DCUN1D4: variants seen among roughly 807,000 people sequenced by gnomAD.
DCUN1D4 encodes the protein DCN1-like protein 4.
Under a neutral mutation model 47.9 loss-of-function variants are expected in DCUN1D4, and 22 were observed. The ratio of observed to expected loss-of-function variants is 0.46; its 90% CI spans 0.33 to 0.66. DCUN1D4 has a LOEUF of 0.66. Among genes scored for constraint, DCUN1D4 ranks in the 30% least tolerant of loss-of-function variants. The pLI is 0.02. For missense variants in DCUN1D4, 301 were observed against 340.8 expected (o/e 0.88, Z 0.92); for synonymous variants, 121 against 112.2 (o/e 1.08, Z -0.50).
chr4:51,836,373 AT>A, the DCUN1D4 span, among the ~76,000 whole-genome samples: 1 of 152,210 alleles, frequency 6.6e-6, no homozygotes, highest in South Asian at 2.1e-4. Flanking sequence ...TTAGTTGGAA[AT>A]AAATATTTTT....
rs192233719 is a variant in DCUN1D4 at position 51,885,901 on chromosome 4, G to C, written c.344-667G>C. ...ATTTTCAGATATCACACAATGGTCA[G>C]ATAAAACAAAGACTGAATTTGTCTG... On this transcript the variant is annotated intron_variant, in intron 5 of 10. Coordinates refer to ENST00000334635, the MANE Select transcript of DCUN1D4 (RefSeq NM_001040402.3). Among the ~76,000 whole-genome samples the C allele has an allele frequency of 1.1e-4, 17 of 152,310 alleles. No individual in the cohort carries two copies. In the East Asian group the frequency reaches 2.1e-3, roughly 19 times the overall value.
At chr4:51,837,875 T>C in the DCUN1D4 span, among the ~76,000 whole-genome samples, 1 of 152,078 alleles carries the variant, frequency 6.6e-6, no homozygotes, top group African/African-American at 2.4e-5. Flanking sequence ...CAGGATTTTC[T>C]AGAAAATTTA....
At chr4:51,853,977 C>T (rs1348424535) in intron 1 of DCUN1D4, among the ~76,000 whole-genome samples, 1 of 152,180 alleles carries the variant, frequency 6.6e-6, no homozygotes, top group Non-Finnish European at 1.5e-5. Context: ...ACACGATATC[C>T]TTATGAGGCA....
intron 3 of DCUN1D4, among the ~76,000 whole-genome samples, chr4:51,863,959 GTT>G (rs1560467596): frequency 6.6e-6 from 1 of 152,030 alleles, no homozygotes; most frequent in African/African-American, 2.4e-5. Flanking sequence ...AAGATACCTT[GTT>G]TTCTCTACTG....
At position 51,902,113 on chromosome 4, in the gene DCUN1D4, A is replaced by G. The variant is rs114921749; in HGVS notation, c.615+2735A>G. Among the ~76,000 whole-genome samples, 206 of 152,222 alleles carry G rather than the reference A, an allele frequency of 1.4e-3. 1 individual carries two copies. The highest frequency in any genetic ancestry group is 4.6e-3 in the African/African-American group (192 of 41,538). ...TTAGGATTGTCCAGATAATCTTTCTATTATTGATAGTTTAATTCTGTTGTG... is the reference window on the plus strand; with the variant it reads ...TTAGGATTGTCCAGATAATCTTTCTGTTATTGATAGTTTAATTCTGTTGTG... On this transcript the variant is annotated intron_variant, in intron 8 of 10. Transcript: ENST00000334635.
At chr4:51,849,947 T>C (rs1226338637) in intron 1 of DCUN1D4, among the ~76,000 whole-genome samples, 1 of 152,136 alleles carries the variant, frequency 6.6e-6, no homozygotes, top group Admixed American at 6.5e-5. Context: ...ATTATTTAGG[T>C]ATAATTTCAC....
the DCUN1D4 span, among the ~76,000 whole-genome samples, chr4:51,836,069 G>A: frequency 1.2e-4 from 19 of 152,296 alleles, 1 homozygote; most frequent in South Asian, 3.5e-3. Flanking sequence ...CCAGACTCGG[G>A]AGGAAAGCTA....
chr4:51,843,705 A>T lies in DCUN1D4; in HGVS notation c.25+438A>T, dbSNP rs984803096. The T allele has an allele frequency of 3.1e-5, 37 of 1,175,414 alleles. No homozygotes were observed. The African/African-American group carries it at 6.4e-4, about 20-fold the overall frequency. The allele number at this position is 1,175,414 out of a possible 1,614,324, so 72.8% of individuals were successfully genotyped here. A position where few individuals can be genotyped will look rare whatever the true frequency, so the allele number is the denominator to read the frequency against. ...GGGGCACAAGGGTGAGGATTTCCAA[A>T]GGGCTGAGTGGTGCGGGCGGCTCCG... On this transcript the variant is annotated intron_variant, in intron 1 of 10. Coordinates refer to ENST00000334635, the MANE Select transcript of DCUN1D4 (RefSeq NM_001040402.3).
intron 4 of DCUN1D4, chr4:51,874,919 G>A (rs1231918702): frequency 6.6e-6 from 1 of 152,254 alleles, no homozygotes; most frequent in Non-Finnish European, 1.5e-5. Flanking sequence ...CCAAGGGCCT[G>A]TTAGATTCGT....
chr4:51,881,175 C>T (rs537851598), intron 5 of DCUN1D4, among the ~76,000 whole-genome samples: 5 of 152,194 alleles, frequency 3.3e-5, no homozygotes, highest in Non-Finnish European at 7.4e-5. Context: ...TATCTAATAA[C>T]TTCCACTTTT....
intron 1 of DCUN1D4, among the ~76,000 whole-genome samples, chr4:51,853,836 C>T (rs944809017): frequency 6.6e-6 from 1 of 152,204 alleles, no homozygotes; most frequent in East Asian, 1.9e-4. Flanking sequence ...GCAGCTCCCC[C>T]ATGGGCACTG....
intron 1 of DCUN1D4, among the ~76,000 whole-genome samples, chr4:51,851,240 C>G (rs950841005): frequency 2.0e-5 from 3 of 152,162 alleles, no homozygotes; most frequent in Non-Finnish European, 4.4e-5. Flanking sequence ...CAGGAGCTTC[C>G]TTCAGTGAGT....
chr4:51,840,330 C>T (rs1482334026), upstream of DCUN1D4, among the ~76,000 whole-genome samples: 1 of 151,894 alleles, frequency 6.6e-6, no homozygotes, highest in African/African-American at 2.4e-5. Flanking sequence ...AAAAAGAAGG[C>T]AACATTTCAA....
In DCUN1D4 at chr4:51,861,559, C is replaced by G. The variant is rs1643410811; in HGVS notation, c.26-1878C>G. ...AATTAACAGCAGGGTGGTGAAATGA[C>G]AAAAGCATAGCCTGGAGAGTTAGAA... On this transcript the variant is annotated intron_variant, in intron 1 of 10. Transcript: ENST00000334635. Among the ~76,000 whole-genome samples, 3 of 152,120 alleles carry G rather than the reference C, an allele frequency of 2.0e-5. No individual in the cohort carries two copies. The South Asian group carries it at 6.2e-4, about 31-fold the overall frequency.
At chr4:51,851,050 C>G (rs935640905) in intron 1 of DCUN1D4, among the ~76,000 whole-genome samples, 2 of 152,248 alleles carry the variant, frequency 1.3e-5, no homozygotes, top group African/African-American at 4.8e-5. Flanking sequence ...CTTACAATTA[C>G]TGTGTGATGA....
intron 7 of DCUN1D4, among the ~76,000 whole-genome samples, chr4:51,893,190 C>G (rs952535361): frequency 1.2e-4 from 18 of 152,128 alleles, no homozygotes; most frequent in African/African-American, 3.9e-4. Context: ...TCACATTCTT[C>G]CTTCTAACAA....
chr4:51,842,425 C>A (rs1220542404), upstream of DCUN1D4, among the ~76,000 whole-genome samples: 2 of 152,162 alleles, frequency 1.3e-5, no homozygotes, highest in African/African-American at 4.8e-5. Context: ...GCGAACTCTG[C>A]GAAACAAGTA....
At chr4:51,867,093 A>G (rs547393286) in intron 3 of DCUN1D4, among the ~76,000 whole-genome samples, 1 of 152,374 alleles carries the variant, frequency 6.6e-6, no homozygotes, top group African/African-American at 2.4e-5. Context: ...TGGGGCAAGT[A>G]GCTCCAGGTG....
chr4:51,877,097 G>A (rs1474691609), intron 4 of DCUN1D4, among the ~76,000 whole-genome samples: 1 of 152,074 alleles, frequency 6.6e-6, no homozygotes, highest in Non-Finnish European at 1.5e-5. Flanking sequence ...TCCTGATTCA[G>A]TTCTCTAGTT....
Sources: gnomAD v4.1 joint callset for allele counts (sites outside exome capture counted in the v4.1 genomes callset) on GRCh38, gnomAD v4.1.1 for gene constraint, MANE v1.5 for transcripts, NCBI Gene and HGNC (gene_info 2026-07-23, HGNC 2026-07-21) for gene names.